SULF1: variants seen among roughly 807,000 people sequenced by gnomAD.
SULF1 encodes the protein sulfatase 1, also known as extracellular sulfatase Sulf-1.
In SULF1, 46 loss-of-function variants were observed where a neutral mutation model predicts 110.5. That is an observed-to-expected ratio of 0.42 (90% CI 0.33 to 0.53). The LOEUF (loss-of-function observed/expected upper bound fraction) is 0.53. SULF1 is among the 20% of genes least tolerant of loss of function. SULF1 has a pLI of 0.12. For synonymous variants in SULF1, 371 were observed against 387.1 expected (o/e 0.96, Z 0.49); for missense variants, 941 against 1,094.2 (o/e 0.86, Z 1.98).
intron 3 of SULF1, among the ~76,000 whole-genome samples, chr8:69,547,258 A>T (rs1481824679): frequency 6.6e-6 from 1 of 152,156 alleles, no homozygotes; most frequent in African/African-American, 2.4e-5. Flanking sequence ...AGCAAATTTG[A>T]TGATTTATAC....
intron 1 of SULF1, among the ~76,000 whole-genome samples, chr8:69,473,932 G>T (rs1213733422): frequency 6.6e-6 from 1 of 152,090 alleles, no homozygotes; most frequent in Admixed American, 6.6e-5. Context: ...TTCATAGTAC[G>T]CAAATAATTT....
intron 3 of SULF1, among the ~76,000 whole-genome samples, chr8:69,551,466 C>G (rs1056844371): frequency 6.6e-6 from 1 of 152,188 alleles, no homozygotes; most frequent in African/African-American, 2.4e-5. Context: ...GGTGAAGGCT[C>G]TCCCATGGAA....
In SULF1 at chr8:69,638,839, A is replaced by T; in HGVS notation, c.2532A>T (p.Arg844Ser). The change falls in exon 21 of 23, where the codon AGA (arginine) becomes AGT (serine). Residue 844 changes from arginine to serine, a missense_variant. Arg to Ser is a moderately radical substitution (Grantham distance 110). This residue lies in a region of SULF1 where 112 missense variants were observed against 133.5 expected (regional missense o/e 0.84). Transcript: ENST00000402687. Reference protein sequence around the residue: ...SCQGYKQCNPRPKNLDVGNKD... With the variant: ...SCQGYKQCNPSPKNLDVGNKD... The stretch of plus-strand genomic sequence containing the variant: ...AAGGATATAAGCAGTGCAACCCAAG[A>T]CCTAAGAATCTTGATGTTGGTAAGG... 1 of 1,608,564 alleles carries T rather than the reference A, an allele frequency of 6.2e-7. No homozygotes were observed. Among genetic ancestry groups the T allele is most frequent in the Non-Finnish European group, 8.5e-7 (1 of 1,178,744 alleles).
rs561388855 is a variant in SULF1 at position 69,512,438 on chromosome 8, C to T, written c.-134+10470C>T. 4.6e-5 allele frequency among the ~76,000 whole-genome samples: 7 copies of T among 152,244 alleles called. No individual in the cohort carries two copies. In the South Asian group the frequency reaches 1.0e-3, roughly 23 times the overall value. ...CTTTTCAAAGCCAGCCAAGGACCAT[C>T]GGTATGAGGAAAGAAATATGGTATT... On this transcript the variant is annotated intron_variant, in intron 3 of 22. Transcript: ENST00000402687.
At chr8:69,534,992 A>G (rs1041105008) in intron 3 of SULF1, among the ~76,000 whole-genome samples, 7 of 152,204 alleles carry the variant, frequency 4.6e-5, no homozygotes, top group African/African-American at 1.7e-4. Flanking sequence ...ATGATATATC[A>G]ATTAGAATGC....
intron 2 of SULF1, among the ~76,000 whole-genome samples, chr8:69,498,114 CACA>C (rs1162182454): frequency 0.017 from 194 of 11,284 alleles, no homozygotes; most frequent in African/African-American, 0.034. Context: ...TCTCTCTCTC[CACA>C]CACACACACA....
At chr8:69,509,078 G>C (rs1168186380) in intron 3 of SULF1, among the ~76,000 whole-genome samples, 1 of 152,100 alleles carries the variant, frequency 6.6e-6, no homozygotes, top group Non-Finnish European at 1.5e-5. Flanking sequence ...ACTAGGATGT[G>C]GTAAAGACCA....
chr8:69,648,474 C>T (rs1812095810), intron 22 of SULF1, among the ~76,000 whole-genome samples: 1 of 152,192 alleles, frequency 6.6e-6, no homozygotes, highest in African/African-American at 2.4e-5. Context: ...GAGGGGTTCA[C>T]ACAACCCAGG....
intron 8 of SULF1, among the ~76,000 whole-genome samples, chr8:69,597,796 G>C (rs1807459578): frequency 6.6e-6 from 1 of 152,174 alleles, no homozygotes. Flanking sequence ...AATAAGTAGA[G>C]GATGTTTAGG....
At chr8:69,524,391 A>G (rs1812524015) in intron 3 of SULF1, among the ~76,000 whole-genome samples, 1 of 152,092 alleles carries the variant, frequency 6.6e-6, no homozygotes. Context: ...GCAAAGAGGG[A>G]GCAAGCAGTT....
chr8:69,608,829 C>T (rs962816918), intron 13 of SULF1, among the ~76,000 whole-genome samples: 1 of 152,142 alleles, frequency 6.6e-6, no homozygotes, highest in African/African-American at 2.4e-5. Flanking sequence ...CTTCCACGTT[C>T]CTGAATTAAT....
At chr8:69,513,012 A>G (rs1339821228) in intron 3 of SULF1, among the ~76,000 whole-genome samples, 2 of 152,074 alleles carry the variant, frequency 1.3e-5, no homozygotes, top group Non-Finnish European at 2.9e-5. Context: ...TTGGTACCCT[A>G]CTGTCATTTA....
chr8:69,601,683 G>A lies in SULF1; in HGVS notation c.915G>A (p.Glu305=), dbSNP rs759683036. The A allele has an allele frequency of 6.2e-7, 1 of 1,611,838 alleles. No homozygotes were observed. The highest frequency in any genetic ancestry group is 8.5e-7 in the Non-Finnish European group (1 of 1,179,062). ...ATAACATGCTCGTGGAGACGGGGGA[G>A]CTGGAGAATACTTACATCATTTACA... The part of the protein sequence containing the change: ...RLYNMLVETG[E]LENTYIIYTA... Residue 305 remains glutamate (E), a synonymous_variant, in exon 10 of 23, where the codon GAG becomes GAA. Coordinates refer to ENST00000402687, the MANE Select transcript of SULF1 (RefSeq NM_001128205.2).
At position 69,600,879 on chromosome 8, in the gene SULF1, GA is replaced by G. The variant is rs2130388119; in HGVS notation, c.885+127del. 9 of 1,106,508 alleles carry G rather than the reference GA, an allele frequency of 8.1e-6. No individual in the cohort carries two copies. The South Asian group carries it at 1.4e-4, about 17-fold the overall frequency. 68.5% of individuals were successfully genotyped at this position (1,106,508 alleles called of 1,614,324 possible). Reference sequence around the variant, plus strand: ...AGCATCATTTTGAGAGAGAAAGAAAGAGAGAGAGTATGTGTTTAGTGGCTTA... The same window carrying G: ...AGCATCATTTTGAGAGAGAAAGAAAGGAGAGAGTATGTGTTTAGTGGCTTA... On this transcript the variant is annotated intron_variant, in intron 9 of 22. Coordinates refer to ENST00000402687, the MANE Select transcript of SULF1 (RefSeq NM_001128205.2).
chr8:69,520,398 C>A (rs1812216596), intron 3 of SULF1, among the ~76,000 whole-genome samples: 1 of 152,006 alleles, frequency 6.6e-6, no homozygotes, highest in South Asian at 2.1e-4. Context: ...TTCAGCAAGT[C>A]ACCTTTTCAT....
rs1398522278 is a variant in SULF1 at position 69,605,057 on chromosome 8, C to G, written c.1377+125C>G. The stretch of plus-strand genomic sequence containing the variant: ...AAGCTTTTCCTAGTGGCCTTGAGGG[C>G]AAGCTCACTGAGACACCTCTCCGCG... On this transcript the variant is annotated intron_variant, in intron 13 of 22. Transcript: ENST00000402687. 8.2e-6 allele frequency: 11 copies of G among 1,345,694 alleles called. No individual in the cohort carries two copies. The African/African-American group carries it at 1.5e-4, about 18-fold the overall frequency. 83.4% of individuals were successfully genotyped at this position (1,345,694 alleles called of 1,614,324 possible).
intron 13 of SULF1, among the ~76,000 whole-genome samples, chr8:69,620,416 C>A (rs1428846304): frequency 6.6e-6 from 1 of 152,218 alleles, no homozygotes; most frequent in Non-Finnish European, 1.5e-5. Context: ...TGCCAGGAAA[C>A]TACCTTCTTC....
chr8:69,646,938 ATT>A (rs532105097), intron 22 of SULF1, among the ~76,000 whole-genome samples: 19 of 97,744 alleles, frequency 1.9e-4, no homozygotes, highest in East Asian at 2.8e-4. Flanking sequence ...GAGCCCTGGA[ATT>A]TTTTTTTTTT....
At chr8:69,515,035 G>A (rs1811827467) in intron 3 of SULF1, among the ~76,000 whole-genome samples, 2 of 152,210 alleles carry the variant, frequency 1.3e-5, no homozygotes, top group South Asian at 4.1e-4. Context: ...TGCATGTGTT[G>A]GTGGATCTAC....
Sources: allele counts gnomAD v4.1 joint callset (sites outside exome capture counted in the v4.1 genomes callset), GRCh38; gene constraint gnomAD v4.1.1; regional missense constraint gnomAD v4.1.1; transcripts MANE v1.5; gene names NCBI Gene and HGNC (gene_info 2026-07-23, HGNC 2026-07-21).